KHK: variants seen among roughly 807,000 people sequenced by gnomAD.
The protein encoded by KHK is fructokinase.
In KHK, 37 loss-of-function variants were observed where a neutral mutation model predicts 36.0. That is an observed-to-expected ratio of 1.03 (90% CI 0.79 to 1.35). The LOEUF (loss-of-function observed/expected upper bound fraction) is 1.35, where lower values mean the gene tolerates loss of function less well. Ranked by LOEUF, KHK falls within the 40% of genes most tolerant of loss-of-function variation. The pLI is 0.00. For synonymous variants in KHK, 161 were observed against 162.8 expected (o/e 0.99, Z 0.08); for missense variants, 395 against 391.9 (o/e 1.01, Z -0.07).
chr2:27,092,357 G>C lies in KHK; in HGVS notation c.118G>C (p.Gly40Arg), dbSNP rs104893643. 4.3e-6 allele frequency: 7 copies of C among 1,613,320 alleles called. No homozygotes were observed. The highest frequency in any genetic ancestry group is 5.9e-6 in the Non-Finnish European group (7 of 1,179,988). ...GTGTTTGTCCCAGAGATGGCAGCGC[G>C]GAGGCAACGCGTCCAACTCCTGCAC... Reference protein sequence around the residue: ...IRCLSQRWQRGGNASNSCTVL... With the variant: ...IRCLSQRWQRRGNASNSCTVL... Residue 40 changes from glycine (G) to arginine (R), a missense_variant, in exon 2 of 8, where the codon GGA becomes CGA. By Grantham distance (125) the Gly-to-Arg change is moderately radical. Transcript: ENST00000260598.
chr2:27,096,199 C>T (rs972830923), intron 3 of KHK, among the ~76,000 whole-genome samples: 2 of 152,198 alleles, frequency 1.3e-5, no homozygotes, highest in African/African-American at 4.8e-5. Flanking sequence ...CTTTCCTAAA[C>T]CGGCCAAACA....
At chr2:27,092,187 G>A (rs1670049357) in intron 1 of KHK, 145 bp from the exon 2 acceptor site, 6 of 759,070 alleles carry the variant, frequency 7.9e-6, no homozygotes, top group South Asian at 2.9e-5. Context: ...GGCCGGCCTC[G>A]GCTGCCCCGG....
chr2:27,091,528 G>A (rs1373623052), intron 1 of KHK, among the ~76,000 whole-genome samples: 2 of 151,868 alleles, frequency 1.3e-5, no homozygotes, highest in Non-Finnish European at 2.9e-5. Context: ...TCCTTTTATT[G>A]TAAACTGCCA....
At chr2:27,099,361 G>A (rs1397891612) in intron 6 of KHK, 59 bp from the exon 7 acceptor site, 1 of 1,612,466 alleles carries the variant, frequency 6.2e-7, no homozygotes, top group Non-Finnish European at 8.5e-7. Context: ...CCTGGAGCTG[G>A]GAGGATGGCT....
chr2:27,096,630 C>G, intron 3 of KHK, 99 bp from the exon 4 acceptor site: 1 of 905,520 alleles, frequency 1.1e-6, no homozygotes, highest in South Asian at 1.3e-5. Flanking sequence ...ATGCTGCCAG[C>G]AGTGCAGGCA....
rs927212983 is a variant in KHK at position 27,099,222 on chromosome 2, G to A, written c.591G>A (p.Lys197=). 1 of 1,614,044 alleles carries A rather than the reference G, an allele frequency of 6.2e-7. No homozygotes were observed. Among genetic ancestry groups the A allele is most frequent in the African/African-American group, 1.3e-5 (1 of 74,928 alleles). The part of the protein sequence containing the change: ...DVVFVSKDVA[K]HLGFQSAEEA... ...TGTTTGTCAGCAAAGATGTGGCCAAGCACTTGGGGTTCCAGTCAGCAGAGG... is the reference window on the plus strand; with the variant it reads ...TGTTTGTCAGCAAAGATGTGGCCAAACACTTGGGGTTCCAGTCAGCAGAGG... Residue 197 remains lysine, a synonymous_variant, in exon 6 of 8, where the codon AAG becomes AAA. Coordinates refer to ENST00000260598, the MANE Select transcript of KHK (RefSeq NM_006488.3).
chr2:27,087,119 G>A lies in KHK; in HGVS notation c.-141G>A. Reference sequence around the variant, plus strand: ...GTTCCCTGCACCCCTGGCCGCTGCAGGTGGCTCCCTGGAGGAGGAGCTCCC... The same window carrying A: ...GTTCCCTGCACCCCTGGCCGCTGCAAGTGGCTCCCTGGAGGAGGAGCTCCC... On this transcript the variant is annotated 5_prime_UTR_variant, in exon 1 of 8. Transcript: ENST00000260598. 1 of 672,658 alleles carries A rather than the reference G, an allele frequency of 1.5e-6. No individual in the cohort carries two copies. The allele number at this position is 672,658 out of a possible 1,614,324, so 41.7% of individuals were successfully genotyped here.
chr2:27,097,759 T>C (rs1420844345), intron 5 of KHK, 110 bp downstream of exon 5: 1 of 1,510,124 alleles, frequency 6.6e-7, no homozygotes, highest in Non-Finnish European at 9.2e-7. Flanking sequence ...GTTCCTGGTT[T>C]GGTGGTGTTT....
At position 27,086,995 on chromosome 2, in the gene KHK, C is replaced by A; in HGVS notation, c.-265C>A. ...AGGCGTTGCCATCTGCAGGCCCAGG[C>A]AACCTGCTACGGGAAGACCGGGGAC... On this transcript the variant is annotated 5_prime_UTR_variant, in exon 1 of 8. Coordinates refer to ENST00000260598, the MANE Select transcript of KHK (RefSeq NM_006488.3). 2.5e-6 allele frequency: 1 copy of A among 398,478 alleles called. No homozygotes were observed. 24.7% of individuals were successfully genotyped at this position (398,478 alleles called of 1,614,324 possible). A position where few individuals can be genotyped will look rare whatever the true frequency, so the allele number is the denominator to read the frequency against.
chr2:27,098,376 A>G (rs1311079196), intron 5 of KHK, among the ~76,000 whole-genome samples: 2 of 151,818 alleles, frequency 1.3e-5, no homozygotes, highest in African/African-American at 4.8e-5. Context: ...AATTAGGCCA[A>G]GAGCAGTGAC....
At chr2:27,090,538 TCTG>T (rs1455919609) in intron 1 of KHK, among the ~76,000 whole-genome samples, 8,406 of 140,170 alleles carry the variant, frequency 0.06, 794 homozygotes, top group African/African-American at 0.21. Context: ...CACTGCAACC[TCTG>T]CCTCCCGGGT....
chr2:27,098,889 A>C (rs1670587466), intron 5 of KHK: 1 of 373,134 alleles, frequency 2.7e-6, no homozygotes, highest in Non-Finnish European at 5.2e-6. Flanking sequence ...ATTCTATTAT[A>C]TATAAGCATC....
intron 5 of KHK, 47 bp from the exon 6 acceptor site, chr2:27,099,149 A>G: frequency 6.3e-7 from 1 of 1,575,000 alleles, no homozygotes; most frequent in Non-Finnish European, 8.7e-7. Flanking sequence ...GCTGTTGGTG[A>G]ATGACGAGTT....
chr2:27,100,748 G>GC lies in KHK; in HGVS notation c.*998_*999insC, dbSNP rs1670773871. On this transcript the variant is annotated 3_prime_UTR_variant, in exon 8 of 8. Transcript: ENST00000260598. Reference sequence around the variant, plus strand: ...AAATCATATATAAAATGCCCAGCATGATGCCTGATGTGTACAAGGCTCTCA... The same window carrying GC: ...AAATCATATATAAAATGCCCAGCATGCATGCCTGATGTGTACAAGGCTCTCA... 2 of 1,155,646 alleles carry GC rather than the reference G, an allele frequency of 1.7e-6. No individual in the cohort carries two copies. Among genetic ancestry groups the GC allele is most frequent in the Non-Finnish European group, 2.2e-6 (2 of 914,044 alleles). 71.6% of individuals were successfully genotyped at this position (1,155,646 alleles called of 1,614,324 possible). A position where few individuals can be genotyped will look rare whatever the true frequency, so the allele number is the denominator to read the frequency against.
At position 27,087,104 on chromosome 2, in the gene KHK, C is replaced by T. The variant is rs763615219; in HGVS notation, c.-156C>T. 6.6e-5 allele frequency: 42 copies of T among 632,876 alleles called. No homozygotes were observed. Among genetic ancestry groups the T allele is most frequent in the Non-Finnish European group, 1.1e-4 (38 of 355,448 alleles). The allele number at this position is 632,876 out of a possible 1,614,324, so 39.2% of individuals were successfully genotyped here. ...GGCCCTGCTCCTTTCGTTCCCTGCA[C>T]CCCTGGCCGCTGCAGGTGGCTCCCT... On this transcript the variant is annotated 5_prime_UTR_variant, in exon 1 of 8. Coordinates refer to ENST00000260598, the MANE Select transcript of KHK (RefSeq NM_006488.3).
intron 6 of KHK, 68 bp downstream of exon 6, chr2:27,099,352 C>T (rs926748212): frequency 2.5e-6 from 4 of 1,612,882 alleles, no homozygotes. Flanking sequence ...GGAGTCCGCC[C>T]TGGAGCTGGG....
At position 27,099,872 on chromosome 2, in the gene KHK, G is replaced by A; in HGVS notation, c.*122G>A. The stretch of plus-strand genomic sequence containing the variant: ...AGGGGACAGATGCAAGCTGTGGGGA[G>A]GACTCTGCCTGTGTCCTGTGTTCCC... On this transcript the variant is annotated 3_prime_UTR_variant, in exon 8 of 8. Coordinates refer to ENST00000260598, the MANE Select transcript of KHK (RefSeq NM_006488.3). 3 of 1,550,004 alleles carry A rather than the reference G, an allele frequency of 1.9e-6. No homozygotes were observed. Among genetic ancestry groups the A allele is most frequent in the Middle Eastern group, 2.2e-4 (1 of 4,560 alleles).
chr2:27,094,935 G>C lies in KHK; in HGVS notation c.344+1G>C, dbSNP rs200086908. The C allele has an allele frequency of 1.4e-5, 22 of 1,613,832 alleles. No homozygotes were observed. Among genetic ancestry groups the C allele is most frequent in the Middle Eastern group, 1.6e-4 (1 of 6,062 alleles). On this transcript the variant is annotated splice_donor_variant, in intron 3 of 7. Coordinates refer to ENST00000260598, the MANE Select transcript of KHK (RefSeq NM_006488.3). LOFTEE classifies it high-confidence loss of function. ...ACCGTACCATTGTGCTCCATGACAC[G>C]TAAGGCCCCCGGGCCTCGCCCTGCT...
chr2:27,087,883 T>G (rs1435760059), intron 1 of KHK: 1 of 152,476 alleles, frequency 6.6e-6, no homozygotes, highest in Non-Finnish European at 1.5e-5. Context: ...GCTTCAACTA[T>G]AGCTCAGGGC....
Sources: gnomAD v4.1 joint callset for allele counts (sites outside exome capture counted in the v4.1 genomes callset) on GRCh38, gnomAD v4.1.1 for gene constraint, MANE v1.5 for transcripts, NCBI Gene and HGNC (gene_info 2026-07-23, HGNC 2026-07-21) for gene names.